MAP2: variants seen among roughly 807,000 people sequenced by gnomAD.
MAP2 encodes microtubule associated protein 2, also known as microtubule-associated protein 2.
In MAP2, 14 loss-of-function variants were observed where a neutral mutation model predicts 137.6. The ratio of observed to expected loss-of-function variants is 0.10; its 90% CI spans 0.07 to 0.16. The LOEUF is 0.16. Ranked by LOEUF, MAP2 falls within the 10% of genes least tolerant of loss-of-function variation. The pLI is 1.00. For synonymous variants in MAP2, 786 were observed against 782.3 expected (o/e 1.00, Z -0.08); for missense variants, 2,088 against 2,191.5 (o/e 0.95, Z 0.94).
intron 1 of MAP2, among the ~76,000 whole-genome samples, chr2:209,492,518 C>T (rs1053036981): frequency 6.6e-6 from 1 of 152,148 alleles, no homozygotes; most frequent in Non-Finnish European, 1.5e-5. Context: ...TTGCAGATGA[C>T]ATAATTCTAT....
At chr2:209,567,247 A>G (rs542219823) in intron 2 of MAP2, among the ~76,000 whole-genome samples, 5 of 152,266 alleles carry the variant, frequency 3.3e-5, no homozygotes, top group Admixed American at 2.6e-4. Context: ...CCTACCAGAT[A>G]TTAGAGAAAG....
At chr2:209,560,644 C>A (rs1488278535) in intron 2 of MAP2, among the ~76,000 whole-genome samples, 2 of 151,876 alleles carry the variant, frequency 1.3e-5, no homozygotes, top group Non-Finnish European at 2.9e-5. Context: ...CTGCACCTTG[C>A]CAATGTTTAT....
intron 5 of MAP2, among the ~76,000 whole-genome samples, chr2:209,655,642 T>G (rs2095093464): frequency 1.3e-5 from 2 of 152,234 alleles, no homozygotes; most frequent in South Asian, 4.1e-4. Flanking sequence ...AAATATGGTA[T>G]TTAGAAATGC....
At chr2:209,700,385 G>A (rs761529970) in intron 11 of MAP2, 47 bp downstream of exon 11, 1 of 1,389,846 alleles carries the variant, frequency 7.2e-7, no homozygotes, top group Non-Finnish European at 1.0e-6. Flanking sequence ...AGTTCCTTTG[G>A]TATTAGCTGT....
At chr2:209,527,189 A>G (rs112946579) in intron 2 of MAP2, among the ~76,000 whole-genome samples, 4,100 of 152,250 alleles carry the variant, frequency 0.027, 64 homozygotes, top group Non-Finnish European at 0.034. Context: ...CACCCTGTGT[A>G]GAAATAAAAA....
chr2:209,453,138 C>T (rs1351296683), intron 1 of MAP2, among the ~76,000 whole-genome samples: 2 of 152,052 alleles, frequency 1.3e-5, no homozygotes, highest in Non-Finnish European at 2.9e-5. Flanking sequence ...TATGGTGTGC[C>T]TTATGGTCTT....
chr2:209,695,493 C>A lies in MAP2; in HGVS notation c.3323C>A (p.Thr1108Lys). Residue 1108 changes from threonine (T) to lysine (K), a missense_variant, in exon 8 of 16, where the codon ACA (threonine) becomes AAA (lysine). Physicochemically the swap from Thr to Lys is moderately conservative, Grantham distance 78 (BLOSUM62 -1). This residue lies in a region of MAP2 where 500 missense variants were observed against 482.9 expected (regional missense o/e 1.04). Transcript: ENST00000682079. Reference protein sequence around the residue: ...HMKEGTKVSETEVKEKVAKPD... With the variant: ...HMKEGTKVSEKEVKEKVAKPD... ...AAAGAAGGCACTAAAGTTAGTGAGACAGAAGTCAAAGAGAAGGTGGCCAAG... is the reference window on the plus strand; with the variant it reads ...AAAGAAGGCACTAAAGTTAGTGAGAAAGAAGTCAAAGAGAAGGTGGCCAAG... 1 of 1,614,034 alleles carries A rather than the reference C, an allele frequency of 6.2e-7. No individual in the cohort carries two copies. Among genetic ancestry groups the A allele is most frequent in the Non-Finnish European group, 8.5e-7 (1 of 1,180,004 alleles).
chr2:209,688,823 C>G (rs2057963775), intron 7 of MAP2, among the ~76,000 whole-genome samples: 1 of 152,134 alleles, frequency 6.6e-6, no homozygotes, highest in Non-Finnish European at 1.5e-5. Context: ...GCAGATAGTT[C>G]TAAAGCAATA....
chr2:209,653,322 G>C lies in MAP2; in HGVS notation c.152G>C (p.Arg51Thr), dbSNP rs2094927263. ...LVRSANGFPY[R>T]EDEEGAFGEH... The stretch of plus-strand genomic sequence containing the variant: ...CGAAGCGCCAATGGATTCCCATACA[G>C]GGAGGATGAAGAGGGTGCCTTTGGA... Residue 51 changes from arginine to threonine, a missense_variant, in exon 5 of 16, where the codon AGG (arginine) becomes ACG (threonine). Physicochemically the swap from Arg to Thr is moderately conservative, Grantham distance 71. Coordinates refer to ENST00000682079, the MANE Select transcript of MAP2 (RefSeq NM_001375505.1). The C allele has an allele frequency of 6.2e-7, 1 of 1,614,170 alleles. No homozygotes were observed.
chr2:209,463,871 A>G (rs2149624445), intron 1 of MAP2, among the ~76,000 whole-genome samples: 1 of 152,306 alleles, frequency 6.6e-6, no homozygotes, highest in East Asian at 1.9e-4. Flanking sequence ...CTGTAGATTC[A>G]GTGAAGTAAA....
At chr2:209,616,596 A>AT (rs1436770791) in intron 3 of MAP2, among the ~76,000 whole-genome samples, 1 of 152,124 alleles carries the variant, frequency 6.6e-6, no homozygotes, top group Non-Finnish European at 1.5e-5. Flanking sequence ...ACACCTTTCC[A>AT]TTTTTTGCAA....
At chr2:209,643,200 A>G (rs2094162306) in intron 4 of MAP2, among the ~76,000 whole-genome samples, 1 of 152,070 alleles carries the variant, frequency 6.6e-6, no homozygotes, top group Non-Finnish European at 1.5e-5. Context: ...CACATAGTGT[A>G]TTTTTCCTTT....
chr2:209,571,431 T>G (rs189001399), intron 2 of MAP2, among the ~76,000 whole-genome samples: 1 of 152,016 alleles, frequency 6.6e-6, no homozygotes, highest in African/African-American at 2.4e-5. Context: ...GCTCTGGAAG[T>G]TCATATATTA....
At chr2:209,560,039 G>T (rs1259602295) in intron 2 of MAP2, among the ~76,000 whole-genome samples, 3 of 152,180 alleles carry the variant, frequency 2.0e-5, no homozygotes, top group African/African-American at 7.2e-5. Flanking sequence ...ATATAAATCT[G>T]TGTGCAGGGA....
At chr2:209,520,143 A>G (rs992416228) in intron 2 of MAP2, among the ~76,000 whole-genome samples, 2 of 152,062 alleles carry the variant, frequency 1.3e-5, no homozygotes, top group African/African-American at 4.8e-5. Context: ...GCTGAAGGTC[A>G]CATGACCCTA....
intron 15 of MAP2, 30 bp from the exon 16 acceptor site, chr2:209,730,152 T>A (rs772911970): frequency 6.3e-7 from 1 of 1,582,900 alleles, no homozygotes. Flanking sequence ...GATGCATGAG[T>A]TAACGAGGAC....
At chr2:209,571,153 T>C (rs190209834) in intron 2 of MAP2, among the ~76,000 whole-genome samples, 3 of 152,048 alleles carry the variant, frequency 2.0e-5, no homozygotes, top group Admixed American at 2.0e-4. Flanking sequence ...GTGTAAAATA[T>C]ATGCTTATAC....
chr2:209,724,558 T>A (rs1204160875), intron 13 of MAP2, among the ~76,000 whole-genome samples: 1 of 151,482 alleles, frequency 6.6e-6, no homozygotes, highest in Non-Finnish European at 1.5e-5. Flanking sequence ...GCTTCCCAAC[T>A]GGGCAGAAGT....
At position 209,695,180 on chromosome 2, in the gene MAP2, T is replaced by C; in HGVS notation, c.3010T>C (p.Leu1004=). ...CTATGAGCAAGCTTTGGCCAAAGAT[T>C]TGTCAATACCAACAGATGCATCCTC... is the stretch of plus-strand genomic sequence containing the variant. The part of the protein sequence containing the change: ...VTYEQALAKD[L]SIPTDASSEK... The change falls in exon 8 of 16, where the codon TTG becomes CTG. Residue 1004 remains leucine, a synonymous_variant. Coordinates refer to ENST00000682079, the MANE Select transcript of MAP2 (RefSeq NM_001375505.1). The C allele has an allele frequency of 6.2e-7, 1 of 1,614,158 alleles. No homozygotes were observed. The highest frequency in any genetic ancestry group is 8.5e-7 in the Non-Finnish European group (1 of 1,180,028).
Sources: allele counts gnomAD v4.1 joint callset (sites outside exome capture counted in the v4.1 genomes callset), GRCh38; gene constraint gnomAD v4.1.1; regional missense constraint gnomAD v4.1.1; transcripts MANE v1.5; gene names NCBI Gene and HGNC (gene_info 2026-07-23, HGNC 2026-07-21).